HMGB1: variants seen among roughly 807,000 people sequenced by gnomAD.
The protein encoded by HMGB1 is high mobility group box 1, also known as high mobility group protein B1.
For synonymous variants in HMGB1, 81 were observed against 84.0 expected (o/e 0.96, Z 0.19); for missense variants, 79 against 253.5 (o/e 0.31, Z 4.67).
chr13:30,474,581 G>A (rs779484815), intron 1 of HMGB1, among the ~76,000 whole-genome samples: 22 of 152,072 alleles, frequency 1.4e-4, no homozygotes, highest in Admixed American at 2.6e-4. Context: ...ACCCACAGAC[G>A]TTTCATTCGG....
chr13:30,589,970 G>C (rs757862107), intron 1 of HMGB1, among the ~76,000 whole-genome samples: 5 of 152,116 alleles, frequency 3.3e-5, no homozygotes, highest in Non-Finnish European at 7.3e-5. Flanking sequence ...TCTTGAAGAA[G>C]AATGCTTTAA....
intron 1 of HMGB1, among the ~76,000 whole-genome samples, chr13:30,590,258 A>G (rs1266742546): frequency 6.6e-6 from 1 of 152,212 alleles, no homozygotes; most frequent in Non-Finnish European, 1.5e-5. Flanking sequence ...TGAATTTTAA[A>G]TTTAATTTAA....
At chr13:30,557,448 T>C (rs1015440832) in intron 1 of HMGB1, among the ~76,000 whole-genome samples, 6 of 152,228 alleles carry the variant, frequency 3.9e-5, no homozygotes, top group Non-Finnish European at 7.3e-5. Context: ...TCCCCTTGAT[T>C]AGGGAGCAAG....
At chr13:30,549,444 G>A (rs1048254677) in intron 1 of HMGB1, among the ~76,000 whole-genome samples, 4 of 152,178 alleles carry the variant, frequency 2.6e-5, no homozygotes, top group African/African-American at 9.7e-5. Context: ...CAGGCTGAGA[G>A]CAGTACACAA....
Position 30,531,509 on chromosome 13 carries a change from C to CGTGTGTGTGTGT in HMGB1, c.-14-67827_-14-67816dup, listed in dbSNP as rs376387192. On this transcript the variant is annotated intron_variant, in intron 1 of 4. Transcript: ENST00000405805. ...GAACTGCTATGCTAGGTAACATATACGTGTGTGTGTGTGTGTGTGTGTGTG... is the reference window on the plus strand; with the variant it reads ...GAACTGCTATGCTAGGTAACATATACGTGTGTGTGTGTGTGTGTGTGTGTGTGTGTGTGTGTG... Among the ~76,000 whole-genome samples the CGTGTGTGTGTGT allele has an allele frequency of 2.5e-3, 336 of 135,658 alleles. 3 individuals carry two copies. The highest frequency in any genetic ancestry group is 7.3e-3 in the African/African-American group (263 of 35,996). 89.0% of individuals were successfully genotyped at this position (135,658 alleles called of 152,430 possible).
rs1164550479 is a variant in HMGB1, at chr13:30,538,510, C to CTTTCTTTT, written c.-14-74817_-14-74816insAAAAGAAA. 6.1e-5 allele frequency among the ~76,000 whole-genome samples: 5 copies of CTTTCTTTT among 82,268 alleles called. No individual in the cohort carries two copies. The East Asian group carries it at 1.3e-3, about 21-fold the overall frequency. 54.0% of individuals were successfully genotyped at this position (82,268 alleles called of 152,430 possible). A position where few individuals can be genotyped will look rare whatever the true frequency, so the allele number is the denominator to read the frequency against. ...TCTTTCTTTCTTTCTTTCTTTCTTT[C>CTTTCTTTT]CTTTCTTTCTTTCCTTTCTTTCTTT... On this transcript the variant is annotated intron_variant, in intron 1 of 4. Transcript: ENST00000405805.
chr13:30,570,109 C>T (rs558315499), intron 1 of HMGB1, among the ~76,000 whole-genome samples: 4 of 152,204 alleles, frequency 2.6e-5, no homozygotes, highest in Non-Finnish European at 2.9e-5. Context: ...TGATGACTCA[C>T]GAGAGAGTAG....
chr13:30,467,069 TA>T (rs1440800297), upstream of HMGB1, among the ~76,000 whole-genome samples: 4 of 152,240 alleles, frequency 2.6e-5, no homozygotes, highest in African/African-American at 9.6e-5. Flanking sequence ...TGGCTGGTAT[TA>T]ATAGACATAC....
At chr13:30,600,231 T>C (rs1406495453) in intron 1 of HMGB1, among the ~76,000 whole-genome samples, 2 of 152,236 alleles carry the variant, frequency 1.3e-5, no homozygotes, top group Non-Finnish European at 2.9e-5. Context: ...GAGCAATCTA[T>C]TAAGTGATCA....
chr13:30,470,402 A>G (rs1464747463), upstream of HMGB1, among the ~76,000 whole-genome samples: 1 of 152,240 alleles, frequency 6.6e-6, no homozygotes, highest in African/African-American at 2.4e-5. Context: ...TTAGGATACT[A>G]AGATTGAGGA....
At chr13:30,505,699 C>T (rs549723569) in intron 1 of HMGB1, among the ~76,000 whole-genome samples, 2 of 152,232 alleles carry the variant, frequency 1.3e-5, no homozygotes, top group South Asian at 4.1e-4. Context: ...CTGTTCTCAA[C>T]ACAGGGCCCA....
At chr13:30,550,891 C>A (rs1197888525) in intron 1 of HMGB1, among the ~76,000 whole-genome samples, 1 of 152,102 alleles carries the variant, frequency 6.6e-6, no homozygotes, top group African/African-American at 2.4e-5. Context: ...TGGTGGAAGA[C>A]AAAACTGATT....
chr13:30,583,839 A>AAAAAGAAAGAAAG lies in HMGB1; in HGVS notation c.-15+32831_-15+32832insCTTTCTTTCTTTT, dbSNP rs1555242864. ...AGACTCTGTCTCAAAAAAAAAAAAA[A>AAAAAGAAAGAAAG]AAAGAAAGAAAGAAAGAAAGAAAGA... On this transcript the variant is annotated intron_variant, in intron 1 of 4. Coordinates refer to the HMGB1 transcript ENST00000405805. Among the ~76,000 whole-genome samples the AAAAAGAAAGAAAG allele has an allele frequency of 1.3e-3, 181 of 137,698 alleles. 1 individual carries two copies. The highest frequency in any genetic ancestry group is 4.9e-3 in the African/African-American group (169 of 34,766). 90.3% of individuals were successfully genotyped at this position (137,698 alleles called of 152,430 possible). A position where few individuals can be genotyped will look rare whatever the true frequency, so the allele number is the denominator to read the frequency against.
chr13:30,526,298 G>A (rs991839047), intron 1 of HMGB1, among the ~76,000 whole-genome samples: 1 of 151,720 alleles, frequency 6.6e-6, no homozygotes, highest in African/African-American at 2.4e-5. Context: ...CTCAAGTGAT[G>A]CGCCTGCCTC....
chr13:30,614,363 T>C (rs1465437101), intron 1 of HMGB1, among the ~76,000 whole-genome samples: 1 of 152,232 alleles, frequency 6.6e-6, no homozygotes, highest in Non-Finnish European at 1.5e-5. Context: ...AGCAAATACC[T>C]GCACATGGAA....
At chr13:30,602,851 G>C (rs139931934) in intron 1 of HMGB1, among the ~76,000 whole-genome samples, 1 of 152,282 alleles carries the variant, frequency 6.6e-6, no homozygotes, top group East Asian at 1.9e-4. Context: ...TGTCACCCAG[G>C]ACAGAGGGCA....
intron 1 of HMGB1, among the ~76,000 whole-genome samples, chr13:30,612,470 T>C (rs578222378): frequency 1.3e-5 from 2 of 152,332 alleles, no homozygotes; most frequent in Non-Finnish European, 2.9e-5. Flanking sequence ...TTCAAGCGAA[T>C]ACAGTTACTA....
chr13:30,544,388 A>G (rs993117845), intron 1 of HMGB1, among the ~76,000 whole-genome samples: 21 of 152,358 alleles, frequency 1.4e-4, no homozygotes, highest in Admixed American at 1.3e-3. Context: ...GGCTGGCACC[A>G]GAAAGAACAA....
chr13:30,552,253 C>T (rs1869461745), intron 1 of HMGB1, among the ~76,000 whole-genome samples: 1 of 152,208 alleles, frequency 6.6e-6, no homozygotes, highest in Non-Finnish European at 1.5e-5. Context: ...CAAATATTTA[C>T]TTTGCTGAAT....
Sources: allele counts gnomAD v4.1 joint callset (sites outside exome capture counted in the v4.1 genomes callset), GRCh38; gene constraint gnomAD v4.1.1; transcripts MANE v1.5; gene names NCBI Gene and HGNC (gene_info 2026-07-23, HGNC 2026-07-21).